The following CADM2 variants were observed in gnomAD, a reference collection of about 807,000 sequenced individuals.
CADM2 encodes the protein cell adhesion molecule 2.
CADM2 carries 12 observed loss-of-function variants against 49.8 expected under a neutral mutation model. The observed-to-expected ratio is 0.24, with a 90% confidence interval of 0.15 to 0.39. The LOEUF is 0.39. CADM2 is among the 10% of genes least tolerant of loss of function. The probability of loss-of-function intolerance (pLI) is 1.00; values close to 1 mark genes in which losing one functional copy is unlikely to be tolerated. For synonymous variants in CADM2, 214 were observed against 175.4 expected, an observed-to-expected ratio of 1.22 and a Z score of -1.74; for missense variants, 378 against 492.3, an observed-to-expected ratio of 0.77 and a Z score of 2.20.
Position 85,515,631 on chromosome 3 carries a change from A to ATATATATTT in CADM2, c.62-210890_62-210889insATATATTTT, listed in dbSNP as rs1159969286. On this transcript the variant is annotated intron_variant, in intron 1 of 9. Transcript: ENST00000383699. Reference sequence around the variant, plus strand: ...CACTAATATATATATATATATATATATTTTTTTTTTTTGTATCTTTAGTAG... The same window carrying ATATATATTT: ...CACTAATATATATATATATATATATATATATATTTTTTTTTTTTTTTGTATCTTTAGTAG... 2.9e-3 allele frequency among the ~76,000 whole-genome samples: 348 copies of ATATATATTT among 118,360 alleles called. 5 individuals carry two copies. The South Asian group carries it at 0.037, about 13-fold the overall frequency. 77.6% of individuals were successfully genotyped at this position (118,360 alleles called of 152,430 possible).
Position 86,066,844 on chromosome 3 carries a change from A to G in CADM2, c.*61A>G. 2 of 1,140,166 alleles carry G rather than the reference A, an allele frequency of 1.8e-6. No individual in the cohort carries two copies. The highest frequency in any genetic ancestry group is 1.2e-5 in the South Asian group (1 of 81,088). The allele number at this position is 1,140,166 out of a possible 1,614,324, so 70.6% of individuals were successfully genotyped here. The stretch of plus-strand genomic sequence containing the variant: ...TGAATGCTGGAGAAAACTGGCTATC[A>G]TCTTTCAGAAGTCATTTCTACCATC... On this transcript the variant is annotated 3_prime_UTR_variant, in exon 10 of 10. Transcript: ENST00000383699.
intron 8 of CADM2, among the ~76,000 whole-genome samples, chr3:85,994,886 A>G (rs143191730): frequency 2.0e-5 from 3 of 152,272 alleles, no homozygotes; most frequent in Non-Finnish European, 4.4e-5. Context: ...AGATATAGTA[A>G]TGATGAAAGC....
intron 1 of CADM2, among the ~76,000 whole-genome samples, chr3:85,223,447 A>G (rs1559729273): frequency 6.6e-6 from 1 of 152,180 alleles, no homozygotes. Flanking sequence ...TCTGGCATTA[A>G]TAACTAACCT....
chr3:85,537,247 T>C (rs1228757175), intron 1 of CADM2, among the ~76,000 whole-genome samples: 2 of 152,092 alleles, frequency 1.3e-5, no homozygotes, highest in African/African-American at 4.8e-5. Flanking sequence ...AAATTGCTAA[T>C]ACAGTAACTT....
intron 1 of CADM2, among the ~76,000 whole-genome samples, chr3:85,301,363 G>A (rs1446286727): frequency 6.6e-6 from 1 of 151,930 alleles, no homozygotes; most frequent in Non-Finnish European, 1.5e-5. Flanking sequence ...CCAGTGCCTC[G>A]GGATGTGGAA....
At chr3:86,055,481 G>GTTTTTTTTTTTTTTTTTTT (rs1440467932) in intron 8 of CADM2, among the ~76,000 whole-genome samples, 12 of 121,040 alleles carry the variant, frequency 9.9e-5, no homozygotes, top group Non-Finnish European at 6.5e-5. Flanking sequence ...TTTTTTTTTG[G>GTTTTTTTTTTTTTTTTTTT]TTTTAGAGGG....
chr3:85,061,318 T>C (rs1202483470), intron 1 of CADM2, among the ~76,000 whole-genome samples: 1 of 152,170 alleles, frequency 6.6e-6, no homozygotes, highest in African/African-American at 2.4e-5. Flanking sequence ...AACAGTGCAG[T>C]CCATGGCAAG....
intron 1 of CADM2, among the ~76,000 whole-genome samples, chr3:85,500,622 A>G (rs538430018): frequency 1.5e-4 from 22 of 151,528 alleles, no homozygotes; most frequent in Non-Finnish European, 2.8e-4. Flanking sequence ...GGTTCACGTC[A>G]TTCTCCTGCC....
intron 1 of CADM2, among the ~76,000 whole-genome samples, chr3:85,682,918 G>T (rs889709796): frequency 6.6e-6 from 1 of 151,968 alleles, no homozygotes; most frequent in African/African-American, 2.4e-5. Context: ...TATCTTCAGA[G>T]CCTAGAAGAT....
At position 85,640,859 on chromosome 3, in the gene CADM2, T is replaced by TTGAATA. The variant is rs2064688616; in HGVS notation, c.62-85662_62-85661insGAATAT. On this transcript the variant is annotated intron_variant, in intron 1 of 9. Coordinates refer to ENST00000383699, the MANE Select transcript of CADM2 (RefSeq NM_001167675.2). ...TCTGATCCAAGATGATGACATTAGG[T>TTGAATA]TATATTCTGGAATTTAAGCAAGTCT... Among the ~76,000 whole-genome samples the TTGAATA allele has an allele frequency of 2.6e-5, 4 of 151,282 alleles. No homozygotes were observed. The South Asian group carries it at 8.3e-4, about 31-fold the overall frequency.
intron 1 of CADM2, among the ~76,000 whole-genome samples, chr3:85,591,881 G>C (rs1327014803): frequency 6.6e-6 from 1 of 151,968 alleles, no homozygotes; most frequent in African/African-American, 2.4e-5. Context: ...GCAGAAATTT[G>C]CATCTAAGTA....
chr3:85,769,717 A>G (rs1175631378), intron 2 of CADM2, among the ~76,000 whole-genome samples: 4 of 148,328 alleles, frequency 2.7e-5, no homozygotes, highest in East Asian at 2.0e-4. Context: ...TTGCATACCA[A>G]TTTGATACTT....
At chr3:85,639,161 A>T (rs1262514385) in intron 1 of CADM2, among the ~76,000 whole-genome samples, 1 of 152,222 alleles carries the variant, frequency 6.6e-6, no homozygotes, top group East Asian at 1.9e-4. Context: ...ATAATTTCAA[A>T]TTTGCTTTAA....
At chr3:85,290,780 C>G (rs1336548045) in intron 1 of CADM2, among the ~76,000 whole-genome samples, 1 of 152,146 alleles carries the variant, frequency 6.6e-6, no homozygotes, top group Non-Finnish European at 1.5e-5. Context: ...CACCAAAAAC[C>G]CATCTGTACA....
intron 1 of CADM2, among the ~76,000 whole-genome samples, chr3:85,241,182 T>G (rs2042522089): frequency 6.6e-6 from 1 of 151,474 alleles, no homozygotes; most frequent in South Asian, 2.1e-4. Flanking sequence ...CAATAAAATT[T>G]TATTAAGCAC....
chr3:84,971,331 C>T (rs1364636001), intron 1 of CADM2, among the ~76,000 whole-genome samples: 1 of 151,978 alleles, frequency 6.6e-6, no homozygotes, highest in African/African-American at 2.4e-5. Flanking sequence ...TGATAAGTAA[C>T]ATGAAAAAGA....
At chr3:85,082,673 C>G (rs2037211037) in intron 1 of CADM2, among the ~76,000 whole-genome samples, 1 of 152,050 alleles carries the variant, frequency 6.6e-6, no homozygotes, top group Non-Finnish European at 1.5e-5. Flanking sequence ...TTGTAGTTGC[C>G]TAGAATTTAG....
At chr3:85,732,930 A>G (rs560202084) in intron 2 of CADM2, among the ~76,000 whole-genome samples, 1 of 152,314 alleles carries the variant, frequency 6.6e-6, no homozygotes, top group African/African-American at 2.4e-5. Context: ...CAATATTACA[A>G]CTTACCTGAA....
At chr3:85,273,261 A>G (rs2043283896) in intron 1 of CADM2, among the ~76,000 whole-genome samples, 2 of 151,442 alleles carry the variant, frequency 1.3e-5, no homozygotes, top group Admixed American at 6.6e-5. Context: ...GGCTTATGTT[A>G]TAAGTTCTTA....
Sources: allele counts gnomAD v4.1 joint callset (sites outside exome capture counted in the v4.1 genomes callset), GRCh38; gene constraint gnomAD v4.1.1; transcripts MANE v1.5; gene names NCBI Gene and HGNC (gene_info 2026-07-23, HGNC 2026-07-21).